Variants in VPS33B observed in about 807,000 individuals in gnomAD.
The protein encoded by VPS33B is VPS33B late endosome and lysosome associated.
Under a neutral mutation model 95.3 loss-of-function variants are expected in VPS33B, and 80 were observed. The ratio of observed to expected loss-of-function variants is 0.84; its 90% CI spans 0.70 to 1.01. VPS33B has a LOEUF of 1.01. VPS33B is among the 50% of genes least tolerant of loss of function. VPS33B has a pLI of 0.00. For synonymous variants in VPS33B, 280 were observed against 280.4 expected (o/e 1.00, Z 0.01); for missense variants, 715 against 773.4 (o/e 0.92, Z 0.90).
chr15:91,006,741 A>T lies in VPS33B; in HGVS notation c.701-12T>A. The T allele has an allele frequency of 1.2e-6, 2 of 1,614,168 alleles. No individual in the cohort carries two copies. Among genetic ancestry groups the T allele is most frequent in the South Asian group, 1.1e-5 (1 of 91,090 alleles). On this transcript the variant is annotated splice_polypyrimidine_tract_variant and intron_variant, in intron 9 of 22. Coordinates refer to ENST00000333371, the MANE Select transcript of VPS33B (RefSeq NM_018668.5). This position sits in a 1 kb window ranked among gnomAD's most constrained non-coding sequence, Gnocchi z 5.4. ...CACAAAGTCCACATCTGAAACAGAG[A>T]TCCCTGACCATGAAGGTTCTCCCTG...
intron 18 of VPS33B, 64 bp downstream of exon 18, chr15:91,001,986 T>C (rs2040451420): frequency 6.2e-7 from 1 of 1,611,354 alleles, no homozygotes; most frequent in Middle Eastern, 2.1e-4. Flanking sequence ...CCTCCCAGCA[T>C]GCTGCGTGTT....
chr15:91,008,209 T>C (rs1403490915), intron 6 of VPS33B, among the ~76,000 whole-genome samples: 1 of 152,166 alleles, frequency 6.6e-6, no homozygotes, highest in Non-Finnish European at 1.5e-5. Flanking sequence ...TGATAAGTGG[T>C]GGGTTTTTAC....
At position 91,006,087 on chromosome 15, in the gene VPS33B, T is replaced by C. The variant is rs771399588; in HGVS notation, c.853-28A>G. On this transcript the variant is annotated intron_variant, in intron 11 of 22. Coordinates refer to ENST00000333371, the MANE Select transcript of VPS33B (RefSeq NM_018668.5). The surrounding 1 kb of genome is among the most constrained non-coding windows in gnomAD (Gnocchi z 5.4). The stretch of plus-strand genomic sequence containing the variant: ...GTGAGGACAGTAAGACAAGAACAGC[T>C]TACTCTGTCAGAACCATAACTTAGC... The C allele has an allele frequency of 2.5e-6, 4 of 1,611,346 alleles. No homozygotes were observed. In the African/African-American group the frequency reaches 5.3e-5, roughly 22 times the overall value.
At chr15:91,008,032 G>A (rs979603628) in intron 6 of VPS33B, 68 bp from the exon 7 acceptor site, 31 of 1,467,830 alleles carry the variant, frequency 2.1e-5, no homozygotes, top group African/African-American at 4.2e-5. Flanking sequence ...GGGAAGGTCC[G>A]CCACAAATAT....
Position 91,018,409 on chromosome 15 carries a change from C to T in VPS33B, c.97-524G>A, listed in dbSNP as rs1191246631. On this transcript the variant is annotated intron_variant, in intron 1 of 22. Coordinates refer to ENST00000333371, the MANE Select transcript of VPS33B (RefSeq NM_018668.5). The surrounding 1 kb of genome is among the most constrained non-coding windows in gnomAD (Gnocchi z 4.7). ...TCATACGATTCCTGCACCACCACTC[C>T]TGACACCGATCTCAATGTCTGTTCA... is the stretch of plus-strand genomic sequence containing the variant. Among the ~76,000 whole-genome samples the T allele has an allele frequency of 6.6e-6, 1 of 152,188 alleles. No homozygotes were observed. Among genetic ancestry groups the T allele is most frequent in the Non-Finnish European group, 1.5e-5 (1 of 68,030 alleles).
In VPS33B at chr15:91,022,354, C is replaced by T; in HGVS notation, c.-105G>A. 8.3e-7 allele frequency: 1 copy of T among 1,210,160 alleles called. No homozygotes were observed. The highest frequency in any genetic ancestry group is 1.1e-6 in the Non-Finnish European group (1 of 880,094). The allele number at this position is 1,210,160 out of a possible 1,614,324, so 75.0% of individuals were successfully genotyped here. ...GGGGGCTATCCTTCAGGCCTGGGCA[C>T]CGACTTCCAGAGACCCCAGATGGGC... On this transcript the variant is annotated 5_prime_UTR_variant, in exon 1 of 23. In the 5' UTR this introduces an upstream ATG that the reference lacks. Coordinates refer to ENST00000333371, the MANE Select transcript of VPS33B (RefSeq NM_018668.5).
Position 91,007,453 on chromosome 15 carries a change from C to T in VPS33B, c.603+16G>A. 1 of 1,611,856 alleles carries T rather than the reference C, an allele frequency of 6.2e-7. No homozygotes were observed. Among genetic ancestry groups the T allele is most frequent in the Non-Finnish European group, 8.5e-7 (1 of 1,177,890 alleles). ...AACAGCGTCTGCTGGGACAACAGTA[C>T]TGCTAGTGCTCTTACCTTGGCGCAC... On this transcript the variant is annotated intron_variant, in intron 8 of 22. Coordinates refer to ENST00000333371, the MANE Select transcript of VPS33B (RefSeq NM_018668.5). This position sits in a 1 kb window ranked among gnomAD's most constrained non-coding sequence, Gnocchi z 5.3.
chr15:91,006,237 G>A lies in VPS33B; in HGVS notation c.852+135C>T. The A allele has an allele frequency of 7.1e-7, 1 of 1,406,398 alleles. No homozygotes were observed. Among genetic ancestry groups the A allele is most frequent in the Non-Finnish European group, 1.0e-6 (1 of 994,926 alleles). The allele number at this position is 1,406,398 out of a possible 1,614,324, so 87.1% of individuals were successfully genotyped here. A position where few individuals can be genotyped will look rare whatever the true frequency, so the allele number is the denominator to read the frequency against. The stretch of plus-strand genomic sequence containing the variant: ...GTTCTAGGAGATGCTCTGAACTGGT[G>A]GGGAAACCCTCTCTCCCATAGACTC... On this transcript the variant is annotated intron_variant, in intron 11 of 22. Transcript: ENST00000333371. The surrounding 1 kb of genome is among the most constrained non-coding windows in gnomAD (Gnocchi z 5.4).
At chr15:91,001,251 A>G (rs985132918) in intron 19 of VPS33B, 138 bp downstream of exon 19, 5 of 632,638 alleles carry the variant, frequency 7.9e-6, no homozygotes, top group South Asian at 1.6e-5. Context: ...CAGAGGTTGC[A>G]GTGAGCTGAG....
At position 91,006,796 on chromosome 15, in the gene VPS33B, G is replaced by A; in HGVS notation, c.701-67C>T. The A allele has an allele frequency of 6.2e-7, 1 of 1,601,062 alleles. No homozygotes were observed. On this transcript the variant is annotated intron_variant, in intron 9 of 22. Coordinates refer to ENST00000333371, the MANE Select transcript of VPS33B (RefSeq NM_018668.5). The surrounding 1 kb of genome is among the most constrained non-coding windows in gnomAD (Gnocchi z 5.4). ...AGCCTTCTACACAGCATGTCCAAGG[G>A]CAGCTTTGATACTTTCCATAGGGCC...
Position 91,006,763 on chromosome 15 carries a change from C to T in VPS33B, c.701-34G>A. On this transcript the variant is annotated intron_variant, in intron 9 of 22. Coordinates refer to ENST00000333371, the MANE Select transcript of VPS33B (RefSeq NM_018668.5). This position sits in a 1 kb window ranked among gnomAD's most constrained non-coding sequence, Gnocchi z 5.4. ...GAGATCCCTGACCATGAAGGTTCTC[C>T]CTGACCCAGCCTTCTACACAGCATG... The T allele has an allele frequency of 6.2e-7, 1 of 1,613,144 alleles. No homozygotes were observed. The highest frequency in any genetic ancestry group is 1.7e-5 in the Admixed American group (1 of 60,004).
rs1165483905 is a variant in VPS33B, at chr15:91,022,364, G to C, written c.-115C>G. The C allele has an allele frequency of 1.9e-6, 2 of 1,061,178 alleles. No homozygotes were observed. The highest frequency in any genetic ancestry group is 3.2e-5 in the African/African-American group (2 of 62,428). The allele number at this position is 1,061,178 out of a possible 1,614,324, so 65.7% of individuals were successfully genotyped here. ...CTTCAGGCCTGGGCACCGACTTCCA[G>C]AGACCCCAGATGGGCCCTCGCTCCT... On this transcript the variant is annotated 5_prime_UTR_variant, in exon 1 of 23. Transcript: ENST00000333371.
In VPS33B at chr15:91,015,029, C is replaced by T. The variant is rs978857393; in HGVS notation, c.240-596G>A. On this transcript the variant is annotated intron_variant, in intron 3 of 22. Transcript: ENST00000333371. The surrounding 1 kb of genome is among the most constrained non-coding windows in gnomAD (Gnocchi z 4.7). Reference sequence around the variant, plus strand: ...CAGCCCAGCCAACATGGTGAAACCCCGTCTCTACTAAAAATACAAACATTG... The same window carrying T: ...CAGCCCAGCCAACATGGTGAAACCCTGTCTCTACTAAAAATACAAACATTG... Among the ~76,000 whole-genome samples, 12 of 150,482 alleles carry T rather than the reference C, an allele frequency of 8.0e-5. No individual in the cohort carries two copies. The highest frequency in any genetic ancestry group is 1.0e-4 in the Non-Finnish European group (7 of 67,610).
Position 91,007,505 on chromosome 15 carries a change from G to C in VPS33B, c.567C>G (p.Pro189=). 1 of 1,614,220 alleles carries C rather than the reference G, an allele frequency of 6.2e-7. No homozygotes were observed. Among genetic ancestry groups the C allele is most frequent in the Non-Finnish European group, 8.5e-7 (1 of 1,180,040 alleles). Residue 189 remains proline (P), a synonymous_variant, in exon 8 of 23, where the codon CCC becomes CCG. Coordinates refer to ENST00000333371, the MANE Select transcript of VPS33B (RefSeq NM_018668.5). This position sits in a 1 kb window ranked among gnomAD's most constrained non-coding sequence, Gnocchi z 5.3. The part of the protein sequence containing the change: ...ALHLLSTLYG[P]FPNCYGIGRC... ...TGCCAATTCCATAGCAGTTTGGAAA[G>C]GGTCCATAGAGAGTGCTGAGAAGGT...
intron 19 of VPS33B, chr15:91,001,143 T>G (rs535725398): frequency 2.6e-5 from 11 of 416,972 alleles, no homozygotes; most frequent in African/African-American, 2.1e-4. Context: ...TGGGGAAACC[T>G]TGTCTCTACT....
chr15:91,001,582 C>T (rs1381277458), intron 18 of VPS33B, 120 bp from the exon 19 acceptor site: 2 of 833,412 alleles, frequency 2.4e-6, no homozygotes, highest in Non-Finnish European at 4.1e-6. Context: ...GGAAGCTGTT[C>T]AACTATAATT....
At chr15:91,019,869 G>A (rs550410577) in intron 1 of VPS33B, among the ~76,000 whole-genome samples, 18 of 151,712 alleles carry the variant, frequency 1.2e-4, no homozygotes, top group Non-Finnish European at 2.5e-4. Flanking sequence ...GCAATGACGC[G>A]ATCTCGGCTC....
At position 91,005,701 on chromosome 15, in the gene VPS33B, C is replaced by A. The variant is rs751998607; in HGVS notation, c.1023G>T (p.Leu341=). Residue 341 remains leucine (L), a synonymous_variant, in exon 13 of 23, where the codon CTG becomes CTT. Transcript: ENST00000333371. This position sits in a 1 kb window ranked among gnomAD's most constrained non-coding sequence, Gnocchi z 6.4. ...CCTCAAGCTGAAACCTACGGAGACT[C>A]AGCAGGCGGTGCTCCTGTTTCAGGC... The part of the protein sequence containing the change: ...LKGLKQEHRL[L]SLHIGACESI... 10 of 1,614,048 alleles carry A rather than the reference C, an allele frequency of 6.2e-6. No homozygotes were observed. The highest frequency in any genetic ancestry group is 8.5e-6 in the Non-Finnish European group (10 of 1,180,032).
Position 91,014,387 on chromosome 15 carries a change from C to A in VPS33B, c.286G>T (p.Ala96Ser). The A allele has an allele frequency of 1.2e-6, 2 of 1,613,918 alleles. No homozygotes were observed. Among genetic ancestry groups the A allele is most frequent in the Non-Finnish European group, 1.7e-6 (2 of 1,179,990 alleles). Reference protein sequence around the residue: ...RPRIKNMRYIASLVNADKLAG... With the variant: ...RPRIKNMRYISSLVNADKLAG... ...CATAGTACCATGGCACACTCACTGG[C>A]AATGTATCGCATATTCTTGATGCGG... The change falls in exon 4 of 23, where the codon GCC becomes TCC. Residue 96 changes from alanine to serine, a missense_variant. Transcript: ENST00000333371.
Sources: gnomAD v4.1 joint callset for allele counts (sites outside exome capture counted in the v4.1 genomes callset) on GRCh38, gnomAD v4.1.1 for gene constraint, Gnocchi (gnomAD v3.1) non-coding constraint, MANE v1.5 for transcripts, NCBI Gene and HGNC (gene_info 2026-07-23, HGNC 2026-07-21) for gene names.